The following TBC1D2 variants were observed in gnomAD, a reference collection of about 807,000 sequenced individuals.
TBC1D2 encodes TBC1 domain family member 2A.
In TBC1D2, 58 loss-of-function variants were observed where a neutral mutation model predicts 91.1. That is an observed-to-expected ratio of 0.64 (90% CI 0.52 to 0.79). The LOEUF is 0.79. Ranked by LOEUF, TBC1D2 falls within the 30% of genes least tolerant of loss-of-function variation. The pLI is 0.00. For synonymous variants in TBC1D2, 482 were observed against 511.5 expected, an observed-to-expected ratio of 0.94 and a Z score of 0.78; for missense variants, 1,080 against 1,208.3, an observed-to-expected ratio of 0.89 and a Z score of 1.57.
chr9:98,209,152 C>T lies in TBC1D2; in HGVS notation c.1674-8G>A. The T allele has an allele frequency of 6.2e-7, 1 of 1,603,426 alleles. No homozygotes were observed. The highest frequency in any genetic ancestry group is 2.2e-5 in the East Asian group (1 of 44,570). On this transcript the variant is annotated splice_polypyrimidine_tract_variant and splice_region_variant and intron_variant, in intron 8 of 12. Coordinates refer to ENST00000465784, the MANE Select transcript of TBC1D2 (RefSeq NM_001267571.2). ...CCGTACTCATCATACTTACTGCCAGCAAAAGTGCACGTTAGCAACACCTTG... is the reference window on the plus strand; with the variant it reads ...CCGTACTCATCATACTTACTGCCAGTAAAAGTGCACGTTAGCAACACCTTG...
Position 98,233,508 on chromosome 9 carries a change from C to T in TBC1D2, c.689G>A (p.Gly230Glu), listed in dbSNP as rs1829424647. The change falls in exon 4 of 13, where the codon GGA becomes GAA. Residue 230 changes from glycine (G) to glutamate (E), a missense_variant. Gly to Glu is a moderately conservative substitution (Grantham distance 98, BLOSUM62 -2). Transcript: ENST00000465784. ...TTCCCCTGGAGGTTCATGGCCTGTT[C>T]CCTGGGCCTGCTTGTTGCCACGGAT... Reference protein sequence around the residue: ...HNIRGNKQAQGTGHEPPGEDS... With the variant: ...HNIRGNKQAQETGHEPPGEDS... The T allele has an allele frequency of 1.9e-6, 3 of 1,614,064 alleles. No homozygotes were observed. Among genetic ancestry groups the T allele is most frequent in the Non-Finnish European group, 2.5e-6 (3 of 1,180,032 alleles).
At chr9:98,223,448 G>T (rs923683453) in intron 5 of TBC1D2, among the ~76,000 whole-genome samples, 4 of 152,224 alleles carry the variant, frequency 2.6e-5, no homozygotes, top group Admixed American at 2.6e-4. Context: ...GAAGAAGTCA[G>T]CTTCTCAGGG....
intron 5 of TBC1D2, among the ~76,000 whole-genome samples, chr9:98,225,734 C>T (rs187467600): frequency 2.0e-5 from 3 of 152,314 alleles, no homozygotes; most frequent in Admixed American, 1.3e-4. Flanking sequence ...GTCCTGGGGC[C>T]GCGCTTCATA....
At chr9:98,226,195 G>A (rs16914086) in intron 5 of TBC1D2, among the ~76,000 whole-genome samples, 15,058 of 152,184 alleles carry the variant, frequency 0.099, 984 homozygotes, top group Admixed American at 0.15. Flanking sequence ...CTAGAGTTAC[G>A]GGGCTGCCAT....
At chr9:98,234,360 T>A (rs1333818450) in intron 3 of TBC1D2, among the ~76,000 whole-genome samples, 1 of 151,496 alleles carries the variant, frequency 6.6e-6, no homozygotes, top group Non-Finnish European at 1.5e-5. Context: ...CACAGAGAAG[T>A]TCATAATGAG....
intron 2 of TBC1D2, among the ~76,000 whole-genome samples, chr9:98,251,290 CA>C (rs1226465638): frequency 1.7e-3 from 225 of 135,558 alleles, no homozygotes; most frequent in Middle Eastern, 4.0e-3. Context: ...GACTCCATCT[CA>C]AAAAAAAAAA....
rs527660179 is a variant in TBC1D2 at position 98,212,273 on chromosome 9, A to G, written c.1485+835T>C. On this transcript the variant is annotated intron_variant, in intron 7 of 12. Transcript: ENST00000465784. ...CCCCAGTTTCCTTGGAGTAAATTCCAAACTCCTCAACTCCAGCCTCATGTC... is the reference window on the plus strand; with the variant it reads ...CCCCAGTTTCCTTGGAGTAAATTCCGAACTCCTCAACTCCAGCCTCATGTC... 5.3e-5 allele frequency among the ~76,000 whole-genome samples: 8 copies of G among 152,196 alleles called. No individual in the cohort carries two copies. The South Asian group carries it at 1.0e-3, about 20-fold the overall frequency.
chr9:98,211,987 G>A (rs1028361574), intron 7 of TBC1D2, among the ~76,000 whole-genome samples: 1 of 151,902 alleles, frequency 6.6e-6, no homozygotes, highest in Non-Finnish European at 1.5e-5. Context: ...TGGTAGAGGC[G>A]GGGCTTCACC....
chr9:98,237,325 T>G (rs1829529146), intron 3 of TBC1D2, among the ~76,000 whole-genome samples: 1 of 145,138 alleles, frequency 6.9e-6, no homozygotes, highest in African/African-American at 2.6e-5. Context: ...CTAGTCTGGG[T>G]GACAGAGCAA....
In TBC1D2 at chr9:98,255,581, G is replaced by A. The variant is rs763373775; in HGVS notation, c.-40C>T. 6.9e-6 allele frequency: 10 copies of A among 1,455,778 alleles called. No individual in the cohort carries two copies. The East Asian group carries it at 2.4e-4, about 35-fold the overall frequency. The allele number at this position is 1,455,778 out of a possible 1,614,324, so 90.2% of individuals were successfully genotyped here. A position where few individuals can be genotyped will look rare whatever the true frequency, so the allele number is the denominator to read the frequency against. ...GACTGCGGAGGGACGAGGGGTCCGC[G>A]GGACCACCAGGGACAAATCTCGGAG... On this transcript the variant is annotated 5_prime_UTR_variant, in exon 1 of 13. Coordinates refer to ENST00000465784, the MANE Select transcript of TBC1D2 (RefSeq NM_001267571.2).
At chr9:98,251,995 GA>G in intron 1 of TBC1D2, 69 bp from the exon 2 acceptor site, 1 of 1,536,788 alleles carries the variant, frequency 6.5e-7, no homozygotes, top group East Asian at 2.5e-5. Context: ...AGGAAGAGGG[GA>G]AGGTTGTGGG....
chr9:98,200,378 G>C lies in TBC1D2; in HGVS notation c.2458-4C>G. 1 of 1,596,066 alleles carries C rather than the reference G, an allele frequency of 6.3e-7. No individual in the cohort carries two copies. Reference sequence around the variant, plus strand: ...CCAAGGCATAGCGAAACACCACCTGGGGGTAGAGTGGGGGCTCAGGTAGGG... The same window carrying C: ...CCAAGGCATAGCGAAACACCACCTGCGGGTAGAGTGGGGGCTCAGGTAGGG... On this transcript the variant is annotated splice_region_variant and splice_polypyrimidine_tract_variant and intron_variant, in intron 11 of 12. Coordinates refer to ENST00000465784, the MANE Select transcript of TBC1D2 (RefSeq NM_001267571.2).
chr9:98,234,135 G>A (rs1333483149), intron 3 of TBC1D2, among the ~76,000 whole-genome samples: 1 of 152,146 alleles, frequency 6.6e-6, no homozygotes, highest in African/African-American at 2.4e-5. Flanking sequence ...GCCTCCAAGG[G>A]GCTTAGTGTA....
At chr9:98,227,178 G>A (rs921078959) in intron 5 of TBC1D2, among the ~76,000 whole-genome samples, 8 of 152,220 alleles carry the variant, frequency 5.3e-5, no homozygotes, top group African/African-American at 1.9e-4. Flanking sequence ...ATGACAGGAG[G>A]AAAAGACAGC....
At chr9:98,238,870 G>A (rs906702547) in intron 3 of TBC1D2, among the ~76,000 whole-genome samples, 1 of 149,570 alleles carries the variant, frequency 6.7e-6, no homozygotes, top group Non-Finnish European at 1.5e-5. Flanking sequence ...CTACAGGCCT[G>A]TACCACCATG....
intron 12 of TBC1D2, 139 bp from the exon 13 acceptor site, chr9:98,199,727 AATAAG>A: frequency 1.2e-6 from 1 of 838,280 alleles, no homozygotes; most frequent in South Asian, 1.6e-5. Context: ...GGAAACAATG[AATAAG>A]ATGATTTCCA....
At chr9:98,218,331 C>T (rs892420164) in intron 6 of TBC1D2, among the ~76,000 whole-genome samples, 2 of 152,016 alleles carry the variant, frequency 1.3e-5, no homozygotes, top group Non-Finnish European at 2.9e-5. Context: ...CTTTGGGAGG[C>T]CGAGGCAGGC....
intron 1 of TBC1D2, 55 bp from the exon 2 acceptor site, chr9:98,251,981 G>A: frequency 6.5e-7 from 1 of 1,550,302 alleles, no homozygotes; most frequent in Non-Finnish European, 8.6e-7. Context: ...GTGGCACTGG[G>A]TGCAGGAAGA....
chr9:98,215,560 T>A (rs1368580785), intron 6 of TBC1D2, among the ~76,000 whole-genome samples: 4 of 152,088 alleles, frequency 2.6e-5, no homozygotes. Flanking sequence ...CAAGCTGGAG[T>A]ACAGTGGCGT....
Sources: allele counts gnomAD v4.1 joint callset (sites outside exome capture counted in the v4.1 genomes callset), GRCh38; gene constraint gnomAD v4.1.1; transcripts MANE v1.5; gene names NCBI Gene and HGNC (gene_info 2026-07-23, HGNC 2026-07-21).